ERBIN: variants seen among roughly 807,000 people sequenced by gnomAD.
ERBIN encodes the protein erbb2 interacting protein.
Under a neutral mutation model 158.4 loss-of-function variants are expected in ERBIN, and 60 were observed. The ratio of observed to expected loss-of-function variants is 0.38; its 90% CI spans 0.31 to 0.47. ERBIN has a LOEUF of 0.47. Ranked by LOEUF, ERBIN falls within the 20% of genes least tolerant of loss-of-function variation. The probability of loss-of-function intolerance (pLI) is 0.99; values close to 1 mark genes in which losing one functional copy is unlikely to be tolerated. For synonymous variants in ERBIN, 594 were observed against 557.2 expected (o/e 1.07, Z -0.93); for missense variants, 1,610 against 1,648.0 (o/e 0.98, Z 0.40).
intron 23 of ERBIN, 66 bp downstream of exon 23, chr5:66,075,296 AATT>A: frequency 1.6e-6 from 2 of 1,253,716 alleles, no homozygotes; most frequent in African/African-American, 1.5e-5. Context: ...TAGGTTACTT[AATT>A]ATTAGTAAAT....
At chr5:65,943,559 G>A (rs956169270) in intron 1 of ERBIN, among the ~76,000 whole-genome samples, 8 of 152,112 alleles carry the variant, frequency 5.3e-5, no homozygotes, top group Non-Finnish European at 1.2e-4. Context: ...TTGCTCTACA[G>A]CTCTTAGTTG....
At chr5:65,961,642 G>A (rs975958424) in intron 1 of ERBIN, among the ~76,000 whole-genome samples, 20 of 152,120 alleles carry the variant, frequency 1.3e-4, no homozygotes, top group Non-Finnish European at 2.4e-4. Context: ...CTAATAAAGA[G>A]CATCTAGACT....
At chr5:65,987,596 T>G (rs1751403258) in intron 1 of ERBIN, among the ~76,000 whole-genome samples, 1 of 151,878 alleles carries the variant, frequency 6.6e-6, no homozygotes, top group South Asian at 2.1e-4. Context: ...TCACGCCTGT[T>G]AATCCCAGAA....
At chr5:66,025,756 A>G in intron 11 of ERBIN, 92 bp from the exon 12 acceptor site, 1 of 1,041,132 alleles carries the variant, frequency 9.6e-7, no homozygotes, top group Non-Finnish European at 1.3e-6. Context: ...AGGTTTTCAA[A>G]GTCAAGTTCA....
At chr5:65,970,600 C>T (rs1341178258) in intron 1 of ERBIN, among the ~76,000 whole-genome samples, 1 of 152,034 alleles carries the variant, frequency 6.6e-6, no homozygotes, top group African/African-American at 2.4e-5. Context: ...TTTTTATATT[C>T]TTTTTAAGAC....
Position 65,950,992 on chromosome 5 carries a change from A to G in ERBIN, c.-58+24186A>G, listed in dbSNP as rs555447795. The stretch of plus-strand genomic sequence containing the variant: ...ATCTGTAAGATTGTTCTGGATCTCA[A>G]TTCTTGCTGTGCTGTTACATTAGAA... On this transcript the variant is annotated intron_variant, in intron 1 of 25. Coordinates refer to ENST00000284037, the MANE Select transcript of ERBIN (RefSeq NM_001253697.2). 8.5e-5 allele frequency among the ~76,000 whole-genome samples: 13 copies of G among 152,316 alleles called. No homozygotes were observed. In the South Asian group the frequency reaches 2.1e-3, roughly 24 times the overall value.
intron 1 of ERBIN, among the ~76,000 whole-genome samples, chr5:65,957,299 G>A (rs1160068655): frequency 6.6e-6 from 1 of 151,934 alleles, no homozygotes; most frequent in Non-Finnish European, 1.5e-5. Context: ...GACAACAGTG[G>A]AGGGAAGGTC....
At chr5:65,938,860 T>C (rs1327647714) in intron 1 of ERBIN, among the ~76,000 whole-genome samples, 1 of 152,118 alleles carries the variant, frequency 6.6e-6, no homozygotes, top group Non-Finnish European at 1.5e-5. Context: ...CAGGACTGAT[T>C]CTTTTAAGTA....
intron 12 of ERBIN, 24 bp from the exon 13 acceptor site, chr5:66,026,278 A>G (rs746373567): frequency 1.3e-6 from 2 of 1,491,362 alleles, no homozygotes; most frequent in South Asian, 2.6e-5. Context: ...ATTTTTTGAT[A>G]CTCAGTTTAT....
intron 14 of ERBIN, among the ~76,000 whole-genome samples, chr5:66,028,959 G>GC (rs879368347): frequency 2.6e-5 from 4 of 152,068 alleles, no homozygotes; most frequent in Non-Finnish European, 5.9e-5. Flanking sequence ...CCATGTTGTT[G>GC]CAAGTGACAG....
At chr5:65,940,432 C>CT (rs1744749695) in intron 1 of ERBIN, among the ~76,000 whole-genome samples, 1 of 133,948 alleles carries the variant, frequency 7.5e-6, no homozygotes, top group African/African-American at 3.2e-5. Flanking sequence ...GTCAGCCCCC[C>CT]GCCCGGCCAG....
At chr5:66,058,790 G>T (rs1405613463) in intron 21 of ERBIN, among the ~76,000 whole-genome samples, 2 of 150,138 alleles carry the variant, frequency 1.3e-5, no homozygotes, top group African/African-American at 5.0e-5. Flanking sequence ...TATTAAATAG[G>T]GAATCCTTTC....
chr5:65,988,417 ATG>A (rs146487961), intron 1 of ERBIN, among the ~76,000 whole-genome samples: 12 of 149,766 alleles, frequency 8.0e-5, no homozygotes, highest in Non-Finnish European at 1.0e-4. Flanking sequence ...GCTGGTAAAT[ATG>A]TGTGTGTGTG....
chr5:66,038,285 C>T (rs757354673), intron 14 of ERBIN, 98 bp from the exon 15 acceptor site: 36 of 667,166 alleles, frequency 5.4e-5, no homozygotes, highest in Non-Finnish European at 8.4e-5. Flanking sequence ...CACATTGATA[C>T]TTTATAGAAA....
At chr5:65,971,290 T>G (rs979627576) in intron 1 of ERBIN, among the ~76,000 whole-genome samples, 9 of 152,054 alleles carry the variant, frequency 5.9e-5, no homozygotes, top group African/African-American at 2.2e-4. Context: ...CATCAGGTTT[T>G]CAGGTTTAGA....
rs187503427 is a variant in ERBIN at position 66,034,044 on chromosome 5, C to T, written c.1207-4339C>T. Among the ~76,000 whole-genome samples the T allele has an allele frequency of 8.7e-5, 13 of 149,750 alleles. No homozygotes were observed. In the East Asian group the frequency reaches 1.2e-3, roughly 14 times the overall value. On this transcript the variant is annotated intron_variant, in intron 14 of 25. Coordinates refer to ENST00000284037, the MANE Select transcript of ERBIN (RefSeq NM_001253697.2). ...GAATTGATTGAACCCAGGAGGCGGA[C>T]GTTGCAGTGAGCCGAGATCACTCCA...
At chr5:66,006,164 A>G (rs568442401) in intron 4 of ERBIN, among the ~76,000 whole-genome samples, 30 of 152,206 alleles carry the variant, frequency 2.0e-4, no homozygotes, top group Non-Finnish European at 3.2e-4. Context: ...TACAGTAACT[A>G]AAACAGCATA....
intron 1 of ERBIN, among the ~76,000 whole-genome samples, chr5:65,948,322 G>T (rs1746053687): frequency 1.3e-5 from 2 of 151,758 alleles, no homozygotes; most frequent in African/African-American, 2.4e-5. Context: ...CTACAAGTGC[G>T]GGCTACAATG....
At chr5:65,957,202 TTTTAAA>T (rs1747247958) in intron 1 of ERBIN, among the ~76,000 whole-genome samples, 1 of 151,630 alleles carries the variant, frequency 6.6e-6, no homozygotes, top group African/African-American at 2.4e-5. Flanking sequence ...AGGATTTTTT[TTTTAAA>T]TTTTTATTTT....
Sources: allele counts gnomAD v4.1 joint callset (sites outside exome capture counted in the v4.1 genomes callset), GRCh38; gene constraint gnomAD v4.1.1; transcripts MANE v1.5; gene names NCBI Gene and HGNC (gene_info 2026-07-23, HGNC 2026-07-21).